Variants in CDH4 observed in about 807,000 individuals in gnomAD.
The protein encoded by CDH4 is cadherin-4.
A neutral mutation model predicts 86.0 loss-of-function variants in CDH4; 33 were observed. That is an observed-to-expected ratio of 0.38 (90% CI 0.29 to 0.51). The LOEUF (loss-of-function observed/expected upper bound fraction) is 0.51, where lower values mean the gene tolerates loss of function less well. Among genes scored for constraint, CDH4 ranks in the 20% least tolerant of loss-of-function variants. The probability of loss-of-function intolerance (pLI) is 0.86; values close to 1 mark genes in which losing one functional copy is unlikely to be tolerated. For synonymous variants in CDH4, 555 were observed against 549.4 expected, an observed-to-expected ratio of 1.01 and a Z score of -0.14; for missense variants, 1,114 against 1,307.4, an observed-to-expected ratio of 0.85 and a Z score of 2.28.
chr20:61,275,114 T>C (rs1600825279), intron 2 of CDH4, among the ~76,000 whole-genome samples: 1 of 96,602 alleles, frequency 1.0e-5, no homozygotes, highest in Non-Finnish European at 2.0e-5. Flanking sequence ...GAGTACTGTG[T>C]GCAGTTTTGG....
Position 61,759,078 on chromosome 20 carries a change from G to T in CDH4, c.397-13925G>T, listed in dbSNP as rs150626267. On this transcript the variant is annotated intron_variant, in intron 3 of 15. Transcript: ENST00000614565. ...TGTGTGCACGCATGTGCATATTTGT[G>T]CATGCATGTGTGCGCACACACGTCT... Among the ~76,000 whole-genome samples, 310 of 152,300 alleles carry T rather than the reference G, an allele frequency of 2.0e-3. 9 individuals carry two copies. In the South Asian group the frequency reaches 0.032, roughly 16 times the overall value.
In CDH4 at chr20:61,929,921, G is replaced by A. The variant is rs557915227; in HGVS notation, c.2239+79G>A. 4.6e-5 allele frequency: 55 copies of A among 1,205,400 alleles called. No individual in the cohort carries two copies. The African/African-American group carries it at 6.8e-4, about 15-fold the overall frequency. The allele number at this position is 1,205,400 out of a possible 1,614,324, so 74.7% of individuals were successfully genotyped here. A position where few individuals can be genotyped will look rare whatever the true frequency, so the allele number is the denominator to read the frequency against. On this transcript the variant is annotated intron_variant, in intron 13 of 15. Transcript: ENST00000614565. ...TGTCCCAGGCATGGTGGGCAGAGGGGGGCCTGGATTTGCCCCTCAGCCCTC... is the reference window on the plus strand; with the variant it reads ...TGTCCCAGGCATGGTGGGCAGAGGGAGGCCTGGATTTGCCCCTCAGCCCTC...
intron 2 of CDH4, among the ~76,000 whole-genome samples, chr20:61,336,095 T>C (rs1440080453): frequency 1.3e-5 from 2 of 152,190 alleles, no homozygotes; most frequent in Non-Finnish European, 2.9e-5. Flanking sequence ...CACCAGGAGA[T>C]GCATTCTCAT....
At chr20:61,342,282 C>G (rs552003272) in intron 2 of CDH4, among the ~76,000 whole-genome samples, 51 of 152,278 alleles carry the variant, frequency 3.3e-4, no homozygotes, top group African/African-American at 1.2e-3. Flanking sequence ...CTTTATTTCT[C>G]TTATTATTGC....
chr20:61,430,808 A>G (rs1360571878), intron 2 of CDH4, among the ~76,000 whole-genome samples: 1 of 152,116 alleles, frequency 6.6e-6, no homozygotes, highest in African/African-American at 2.4e-5. Flanking sequence ...TACTCCTCCC[A>G]TACACTTCAG....
chr20:61,333,958 G>A (rs544445282), intron 2 of CDH4, among the ~76,000 whole-genome samples: 15 of 152,188 alleles, frequency 9.9e-5, no homozygotes, highest in Admixed American at 7.9e-4. Flanking sequence ...CGGTGAGGGC[G>A]GGAGAGACAA....
chr20:61,804,642 G>A (rs1980029255), intron 4 of CDH4, among the ~76,000 whole-genome samples: 1 of 152,234 alleles, frequency 6.6e-6, no homozygotes, highest in South Asian at 2.1e-4. Context: ...TGGTGGGTGT[G>A]TCAGGTTTCT....
intron 2 of CDH4, among the ~76,000 whole-genome samples, chr20:61,389,620 T>C (rs1343131911): frequency 6.6e-6 from 1 of 152,226 alleles, no homozygotes; most frequent in Non-Finnish European, 1.5e-5. Context: ...ATTGTTGTTC[T>C]ATAGATCGAC....
intron 2 of CDH4, among the ~76,000 whole-genome samples, chr20:61,729,839 C>A (rs964628100): frequency 2.6e-5 from 4 of 152,144 alleles, no homozygotes; most frequent in African/African-American, 7.2e-5. Context: ...CAGAGGGAGA[C>A]GCAAGTTTAA....
Position 61,743,547 on chromosome 20 carries a change from C to G in CDH4, c.170-16C>G, listed in dbSNP as rs748386891. The G allele has an allele frequency of 5.8e-6, 9 of 1,549,354 alleles. 1 individual carries two copies. The highest frequency in any genetic ancestry group is 6.1e-6 in the Non-Finnish European group (7 of 1,143,970). ...CTGGCCAAGCCGACCCTGACTCTCTCCCCCTCCTCTTGCAGTCAAGTTCAG... is the reference window on the plus strand; with the variant it reads ...CTGGCCAAGCCGACCCTGACTCTCTGCCCCTCCTCTTGCAGTCAAGTTCAG... On this transcript the variant is annotated splice_polypyrimidine_tract_variant and intron_variant, in intron 2 of 15. Coordinates refer to ENST00000614565, the MANE Select transcript of CDH4 (RefSeq NM_001794.5).
At chr20:61,547,198 C>CTT (rs779375514) in intron 2 of CDH4, among the ~76,000 whole-genome samples, 1,004 of 93,528 alleles carry the variant, frequency 0.011, 50 homozygotes, top group African/African-American at 0.028. Context: ...CCCCAGAGCT[C>CTT]TTTTTTTTTT....
intron 2 of CDH4, among the ~76,000 whole-genome samples, chr20:61,399,748 C>G (rs1490075904): frequency 1.3e-5 from 2 of 152,232 alleles, no homozygotes; most frequent in East Asian, 1.9e-4. Flanking sequence ...CAACCTGCCT[C>G]TTTTTTAGTT....
intron 2 of CDH4, among the ~76,000 whole-genome samples, chr20:61,493,927 T>G (rs2085641930): frequency 6.6e-6 from 1 of 152,072 alleles, no homozygotes; most frequent in Non-Finnish European, 1.5e-5. Context: ...TGGCCCATGG[T>G]CCTCAGTGTC....
intron 2 of CDH4, among the ~76,000 whole-genome samples, chr20:61,275,227 C>T (rs1350170648): frequency 7.7e-6 from 1 of 129,524 alleles, no homozygotes; most frequent in Non-Finnish European, 1.6e-5. Flanking sequence ...TGGGGGAGTA[C>T]CGTGTGCAGT....
chr20:61,533,540 C>T (rs1398551013), intron 2 of CDH4, among the ~76,000 whole-genome samples: 1 of 152,184 alleles, frequency 6.6e-6, no homozygotes, highest in African/African-American at 2.4e-5. Flanking sequence ...CCTGGCGGGG[C>T]CCTGGCCGGG....
At chr20:61,302,415 C>T (rs6093088) in intron 2 of CDH4, among the ~76,000 whole-genome samples, 1 of 152,346 alleles carries the variant, frequency 6.6e-6, no homozygotes, top group East Asian at 1.9e-4. Flanking sequence ...AGCTTAACGC[C>T]TAACTTCAGA....
intron 2 of CDH4, among the ~76,000 whole-genome samples, chr20:61,334,144 G>C (rs1412336880): frequency 6.6e-6 from 1 of 152,172 alleles, no homozygotes; most frequent in African/African-American, 2.4e-5. Context: ...CACCCCCTCT[G>C]AGGGCCTCCC....
chr20:61,275,934 G>A (rs368215336), intron 2 of CDH4, among the ~76,000 whole-genome samples: 49 of 152,242 alleles, frequency 3.2e-4, no homozygotes, highest in African/African-American at 1.1e-3. Flanking sequence ...GATTTTTGAT[G>A]TAAGGAAAAG....
chr20:61,927,959 G>A (rs1385379351), intron 11 of CDH4, among the ~76,000 whole-genome samples: 1 of 152,242 alleles, frequency 6.6e-6, no homozygotes, highest in Non-Finnish European at 1.5e-5. Flanking sequence ...ACGCAGTGGT[G>A]TGGCTGCCCA....
Sources: allele counts gnomAD v4.1 joint callset (sites outside exome capture counted in the v4.1 genomes callset), GRCh38; gene constraint gnomAD v4.1.1; transcripts MANE v1.5; gene names NCBI Gene and HGNC (gene_info 2026-07-23, HGNC 2026-07-21).